Variants in SLC27A2 observed in about 807,000 individuals in gnomAD.
The protein encoded by SLC27A2 is long-chain fatty acid transport protein 2.
In SLC27A2, 54 loss-of-function variants were observed where a neutral mutation model predicts 60.0. That is an observed-to-expected ratio of 0.90 (90% CI 0.72 to 1.13). The LOEUF (loss-of-function observed/expected upper bound fraction) is 1.13. SLC27A2 is among the 50% of genes most tolerant of loss of function. The pLI is 0.00. For missense variants in SLC27A2, 739 were observed against 777.6 expected (o/e 0.95, Z 0.59); for synonymous variants, 297 against 297.6 (o/e 1.00, Z 0.02).
chr15:50,204,564 T>C (rs1313182051), intron 3 of SLC27A2, among the ~76,000 whole-genome samples: 3 of 151,420 alleles, frequency 2.0e-5, no homozygotes, highest in Non-Finnish European at 4.4e-5. Context: ...AAACCCCTTC[T>C]CTACTAAAAA....
intron 4 of SLC27A2, among the ~76,000 whole-genome samples, chr15:50,216,608 G>T (rs1030469184): frequency 4.4e-5 from 2 of 45,532 alleles, no homozygotes; most frequent in African/African-American, 1.3e-4. Flanking sequence ...GTGTGTGTGT[G>T]TGTATATATA....
intron 1 of SLC27A2, among the ~76,000 whole-genome samples, chr15:50,184,970 ACT>A (rs1456966530): frequency 2.0e-5 from 3 of 152,150 alleles, no homozygotes; most frequent in Non-Finnish European, 4.4e-5. Flanking sequence ...TAACTAGAAG[ACT>A]CTCCTAAGCC....
chr15:50,189,202 T>A (rs2044953069), intron 1 of SLC27A2, among the ~76,000 whole-genome samples: 1 of 151,966 alleles, frequency 6.6e-6, no homozygotes, highest in Admixed American at 6.6e-5. Flanking sequence ...TGTGAAAAAA[T>A]CCATTTAAAC....
chr15:50,210,023 G>A (rs992820985), intron 4 of SLC27A2, among the ~76,000 whole-genome samples: 3 of 152,222 alleles, frequency 2.0e-5, no homozygotes, highest in Admixed American at 6.5e-5. Context: ...CCTTCCTGAA[G>A]GCTGAGAAAT....
At chr15:50,211,859 CG>C (rs1167536192) in intron 4 of SLC27A2, among the ~76,000 whole-genome samples, 1 of 151,838 alleles carries the variant, frequency 6.6e-6, no homozygotes, top group Non-Finnish European at 1.5e-5. Flanking sequence ...ATCACAAGGT[CG>C]GGAGATTGAG....
At chr15:50,214,629 T>A (rs1445558063) in intron 4 of SLC27A2, among the ~76,000 whole-genome samples, 1 of 152,110 alleles carries the variant, frequency 6.6e-6, no homozygotes. Context: ...CATGATCAAG[T>A]GGGTTTCATG....
intron 3 of SLC27A2, among the ~76,000 whole-genome samples, chr15:50,204,340 A>C (rs2045090780): frequency 6.6e-6 from 1 of 151,984 alleles, no homozygotes; most frequent in East Asian, 1.9e-4. Flanking sequence ...GATGGTGTCC[A>C]CCTGTAATCC....
At chr15:50,199,971 T>G (rs2140901010) in intron 2 of SLC27A2, among the ~76,000 whole-genome samples, 1 of 152,368 alleles carries the variant, frequency 6.6e-6, no homozygotes. Context: ...TAAAAGAATT[T>G]GTTTAAACAG....
chr15:50,226,248 C>A, intron 6 of SLC27A2, 170 bp downstream of exon 6: 1 of 520,846 alleles, frequency 1.9e-6, no homozygotes, highest in Non-Finnish European at 3.5e-6. Context: ...TAATTTACCG[C>A]TGCATGTAAC....
intron 2 of SLC27A2, among the ~76,000 whole-genome samples, chr15:50,201,797 C>G (rs184202956): frequency 5.3e-5 from 8 of 152,182 alleles, no homozygotes; most frequent in African/African-American, 1.9e-4. Context: ...CCTTGTGATC[C>G]GCCCGCCTCA....
Position 50,197,643 on chromosome 15 carries a change from G to C in SLC27A2, c.622G>C (p.Glu208Gln). Residue 208 changes from glutamate to glutamine, a missense_variant, in exon 2 of 10, where the codon GAG becomes CAG. By Grantham distance (29) the Glu-to-Gln change is conservative. Transcript: ENST00000267842. ...TGAAGTATCAACTGAACCTATCCCAGAGTCATGGAGGTCTGAAGTCACTTT... is the reference window on the plus strand; with the variant it reads ...TGAAGTATCAACTGAACCTATCCCACAGTCATGGAGGTCTGAAGTCACTTT... Reference protein sequence around the residue: ...VDEVSTEPIPESWRSEVTFST... With the variant: ...VDEVSTEPIPQSWRSEVTFST... 6.2e-7 allele frequency: 1 copy of C among 1,614,070 alleles called. No individual in the cohort carries two copies. Among genetic ancestry groups the C allele is most frequent in the East Asian group, 2.2e-5 (1 of 44,868 alleles).
At position 50,182,561 on chromosome 15, in the gene SLC27A2, G is replaced by A. The variant is rs1018493941; in HGVS notation, c.134G>A (p.Ser45Asn). 1.4e-5 allele frequency: 22 copies of A among 1,612,904 alleles called. No homozygotes were observed. The African/African-American group carries it at 2.8e-4, about 21-fold the overall frequency. Residue 45 changes from serine (S) to asparagine (N), a missense_variant, in exon 1 of 10, where the codon AGC (serine) becomes AAC (asparagine). Coordinates refer to ENST00000267842, the MANE Select transcript of SLC27A2 (RefSeq NM_003645.4). ...KVAAVGRRVR[S>N]YGKRRPARTI... Reference sequence around the variant, plus strand: ...GCCGCCGTGGGCCGGAGGGTGCGCAGCTACGGGAAGCGGCGGCCGGCGCGC... The same window carrying A: ...GCCGCCGTGGGCCGGAGGGTGCGCAACTACGGGAAGCGGCGGCCGGCGCGC...
intron 1 of SLC27A2, among the ~76,000 whole-genome samples, chr15:50,188,902 G>T (rs1394690633): frequency 6.6e-6 from 1 of 152,190 alleles, no homozygotes; most frequent in African/African-American, 2.4e-5. Flanking sequence ...GGAGGTTGCA[G>T]TGAGCCAAGA....
chr15:50,223,308 CTG>C (rs1275536744), intron 5 of SLC27A2, 149 bp downstream of exon 5: 1 of 550,948 alleles, frequency 1.8e-6, no homozygotes, highest in Non-Finnish European at 3.1e-6. Context: ...TGCTCATTCT[CTG>C]TGATGATGAC....
intron 3 of SLC27A2, among the ~76,000 whole-genome samples, chr15:50,202,909 A>G (rs2045076408): frequency 2.0e-5 from 3 of 152,020 alleles, no homozygotes; most frequent in South Asian, 4.2e-4. Context: ...GCTGGGTGCA[A>G]TGGCTCACAC....
chr15:50,202,697 A>T (rs2045074897), intron 3 of SLC27A2, 52 bp downstream of exon 3: 1 of 1,588,386 alleles, frequency 6.3e-7, no homozygotes, highest in African/African-American at 1.3e-5. Flanking sequence ...ACATTTTCCC[A>T]GAAGGAACAG....
At position 50,182,785 on chromosome 15, in the gene SLC27A2, C is replaced by G; in HGVS notation, c.358C>G (p.Leu120Val). ...LMGNEPAYVWLWLGLVKLGCA... is the reference protein window; with the variant it reads ...LMGNEPAYVWVWLGLVKLGCA... ...GGGTAACGAGCCGGCCTACGTGTGG[C>G]TGTGGCTGGGGCTGGTGAAGCTGGG... The change falls in exon 1 of 10, where the codon CTG (leucine) becomes GTG (valine). Residue 120 changes from leucine to valine, a missense_variant. Coordinates refer to ENST00000267842, the MANE Select transcript of SLC27A2 (RefSeq NM_003645.4). The G allele has an allele frequency of 6.2e-7, 1 of 1,613,838 alleles. No individual in the cohort carries two copies. Among genetic ancestry groups the G allele is most frequent in the Non-Finnish European group, 8.5e-7 (1 of 1,179,956 alleles).
intron 1 of SLC27A2, among the ~76,000 whole-genome samples, chr15:50,187,933 T>G (rs1428011406): frequency 6.9e-6 from 1 of 144,592 alleles, no homozygotes; most frequent in African/African-American, 2.6e-5. Context: ...AATTTGATTT[T>G]CAAAGCAAGA....
chr15:50,218,180 A>C (rs2045216084), intron 4 of SLC27A2, among the ~76,000 whole-genome samples: 1 of 152,124 alleles, frequency 6.6e-6, no homozygotes, highest in South Asian at 2.1e-4. Flanking sequence ...CTGTTTTAAA[A>C]GAAAAAAAGA....
Sources: allele counts gnomAD v4.1 joint callset (sites outside exome capture counted in the v4.1 genomes callset), GRCh38; gene constraint gnomAD v4.1.1; transcripts MANE v1.5; gene names NCBI Gene and HGNC (gene_info 2026-07-23, HGNC 2026-07-21).